Variants in RPS6KA5 observed in about 807,000 individuals in gnomAD.
RPS6KA5 encodes the protein ribosomal protein S6 kinase A5.
Under a neutral mutation model 85.5 loss-of-function variants are expected in RPS6KA5, and 27 were observed. The ratio of observed to expected loss-of-function variants is 0.32; its 90% CI spans 0.23 to 0.44. RPS6KA5 has a LOEUF of 0.44. Ranked by LOEUF, RPS6KA5 falls within the 20% of genes least tolerant of loss-of-function variation. RPS6KA5 has a pLI of 1.00. For missense variants in RPS6KA5, 811 were observed against 980.9 expected (o/e 0.83, Z 2.31); for synonymous variants, 334 against 348.2 (o/e 0.96, Z 0.46).
At chr14:90,982,149 G>A (rs922694596) in intron 2 of RPS6KA5, among the ~76,000 whole-genome samples, 30 of 152,194 alleles carry the variant, frequency 2.0e-4, no homozygotes, top group Non-Finnish European at 8.8e-5. Context: ...GTTTGCAACT[G>A]GATGAATGAC....
At chr14:90,872,412 A>G in intron 16 of RPS6KA5, 90 bp from the exon 17 acceptor site, 1 of 1,448,766 alleles carries the variant, frequency 6.9e-7, no homozygotes, top group Non-Finnish European at 9.2e-7. Context: ...ACAACTTTCC[A>G]TTGGCAACTG....
rs1491158949 is a variant in RPS6KA5, at chr14:90,983,839, CTT to C, written c.176-5317_176-5316del. On this transcript the variant is annotated intron_variant, in intron 2 of 16. Transcript: ENST00000614987. Reference sequence around the variant, plus strand: ...TCTGTCTCTCTCTCTCTCTCTCTCTCTTTCTTTTTTTCTTTCTTTCTTTCTGA... The same window carrying C: ...TCTGTCTCTCTCTCTCTCTCTCTCTCTCTTTTTTTCTTTCTTTCTTTCTGA... Among the ~76,000 whole-genome samples, 299 of 135,258 alleles carry C rather than the reference CTT, an allele frequency of 2.2e-3. 1 individual carries two copies. Among genetic ancestry groups the C allele is most frequent in the African/African-American group, 6.3e-3 (204 of 32,346 alleles). The allele number at this position is 135,258 out of a possible 152,430, so 88.7% of individuals were successfully genotyped here.
chr14:90,977,778 GA>G (rs2039630262), intron 3 of RPS6KA5, among the ~76,000 whole-genome samples: 1 of 152,196 alleles, frequency 6.6e-6, no homozygotes, highest in African/African-American at 2.4e-5. Context: ...GGAAAGGCTG[GA>G]AGTGACAGTT....
intron 14 of RPS6KA5, among the ~76,000 whole-genome samples, chr14:90,880,878 G>C (rs1172862175): frequency 6.8e-6 from 1 of 147,908 alleles, no homozygotes; most frequent in Non-Finnish European, 1.5e-5. Context: ...CTGTTTCCAA[G>C]GTCGGAGTAC....
intron 5 of RPS6KA5, among the ~76,000 whole-genome samples, chr14:90,936,290 G>A (rs2037251821): frequency 1.3e-5 from 2 of 152,114 alleles, no homozygotes; most frequent in South Asian, 4.1e-4. Flanking sequence ...ATATGGGCTG[G>A]GCCTGGTGGC....
chr14:91,013,383 A>T (rs1029791217), intron 1 of RPS6KA5, among the ~76,000 whole-genome samples: 1 of 152,226 alleles, frequency 6.6e-6, no homozygotes, highest in Non-Finnish European at 1.5e-5. Context: ...AAATGAGGTA[A>T]ATAGTACCAG....
intron 1 of RPS6KA5, among the ~76,000 whole-genome samples, chr14:91,043,634 C>T (rs1426018573): frequency 1.3e-5 from 2 of 152,184 alleles, no homozygotes; most frequent in Non-Finnish European, 2.9e-5. Flanking sequence ...CTATCTAGCA[C>T]ATTATCTATG....
chr14:91,021,787 T>C (rs2041792735), intron 1 of RPS6KA5, among the ~76,000 whole-genome samples: 1 of 152,206 alleles, frequency 6.6e-6, no homozygotes, highest in Admixed American at 6.5e-5. Flanking sequence ...CGGCTCTGTG[T>C]CCTGACATGC....
At chr14:91,056,221 G>C (rs538898692) in intron 1 of RPS6KA5, among the ~76,000 whole-genome samples, 3 of 152,100 alleles carry the variant, frequency 2.0e-5, no homozygotes, top group Non-Finnish European at 4.4e-5. Flanking sequence ...CTAATAACAG[G>C]CATCTAAGTA....
intron 2 of RPS6KA5, among the ~76,000 whole-genome samples, chr14:90,999,147 G>T (rs2040665514): frequency 2.6e-5 from 4 of 152,082 alleles, no homozygotes. Context: ...GGCAGAAGTT[G>T]CAGTGAGCCA....
intron 1 of RPS6KA5, chr14:91,052,192 A>C (rs2043108495): frequency 3.3e-6 from 1 of 306,240 alleles, no homozygotes; most frequent in African/African-American, 2.4e-5. Context: ...TCATGCCTGT[A>C]ATCCCAGCAC....
In RPS6KA5 at chr14:90,890,609, T is replaced by C; in HGVS notation, c.1714A>G (p.Lys572Glu). The C allele has an allele frequency of 6.2e-7, 1 of 1,614,160 alleles. No homozygotes were observed. The change falls in exon 14 of 17, where the codon AAG becomes GAG. Residue 572 changes from lysine to glutamate, a missense_variant. By Grantham distance (56) the Lys-to-Glu change is moderately conservative (BLOSUM62 1). Around this residue, in one of 3 missense-constraint regions of RPS6KA5, gnomAD observed 650 missense variants for 793.4 expected, o/e 0.82. Coordinates refer to ENST00000614987, the MANE Select transcript of RPS6KA5 (RefSeq NM_004755.4). ...KIIDFGFARL[K>E]PPDNQPLKTP... ...TTCAGGGGCTGATTATCCGGTGGCT[T>C]TAGCCGTGCAAATCCAAAATCAATT...
At position 90,861,387 on chromosome 14, in the gene RPS6KA5, T is replaced by C. The variant is rs1427615716; in HGVS notation, c.*10687A>G. On this transcript the variant is annotated 3_prime_UTR_variant, in exon 17 of 17. Transcript: ENST00000614987. ...AATACAAAAAATTAGCCGGGCGTAGTGGCAGGCGCCTGTAGCCCCAGCTAC... is the reference window on the plus strand; with the variant it reads ...AATACAAAAAATTAGCCGGGCGTAGCGGCAGGCGCCTGTAGCCCCAGCTAC... The C allele has an allele frequency of 1.4e-5, 2 of 148,080 alleles. No individual in the cohort carries two copies. Among genetic ancestry groups the C allele is most frequent in the African/African-American group, 5.0e-5 (2 of 39,922 alleles). The allele number at this position is 148,080 out of a possible 1,614,324, so 9.2% of individuals were successfully genotyped here.
chr14:90,932,523 A>G (rs2037040001), intron 5 of RPS6KA5, among the ~76,000 whole-genome samples: 1 of 152,144 alleles, frequency 6.6e-6, no homozygotes, highest in African/African-American at 2.4e-5. Context: ...TCACTCTCCC[A>G]CATTGTTAGT....
rs764050574 is a variant in RPS6KA5 at position 90,865,342 on chromosome 14, G to A, written c.*6732C>T. 6.6e-6 allele frequency: 1 copy of A among 152,194 alleles called. No homozygotes were observed. Among genetic ancestry groups the A allele is most frequent in the Non-Finnish European group, 1.5e-5 (1 of 68,040 alleles). 9.4% of individuals were successfully genotyped at this position (152,194 alleles called of 1,614,324 possible). A position where few individuals can be genotyped will look rare whatever the true frequency, so the allele number is the denominator to read the frequency against. On this transcript the variant is annotated 3_prime_UTR_variant, in exon 17 of 17. Transcript: ENST00000614987. ...GAGCAACGAAAAAGAACAAACTACTGTTATTGCTACATGCAACAACATAGA... is the reference window on the plus strand; with the variant it reads ...GAGCAACGAAAAAGAACAAACTACTATTATTGCTACATGCAACAACATAGA...
chr14:90,940,335 G>C (rs2037501009), intron 5 of RPS6KA5, among the ~76,000 whole-genome samples: 1 of 152,130 alleles, frequency 6.6e-6, no homozygotes, highest in African/African-American at 2.4e-5. Flanking sequence ...ACCACTAAGT[G>C]CTCAAAGATG....
intron 1 of RPS6KA5, among the ~76,000 whole-genome samples, chr14:91,001,542 G>A (rs2040798555): frequency 6.6e-6 from 1 of 152,132 alleles, no homozygotes; most frequent in Non-Finnish European, 1.5e-5. Flanking sequence ...AACATTTACT[G>A]AGTATCTATT....
chr14:90,942,192 C>A (rs1018507538), intron 5 of RPS6KA5, among the ~76,000 whole-genome samples: 4 of 152,062 alleles, frequency 2.6e-5, no homozygotes, highest in African/African-American at 9.7e-5. Flanking sequence ...ATAATTTCAG[C>A]ACTTATCTCA....
chr14:90,875,844 T>A (rs370553265), intron 14 of RPS6KA5, among the ~76,000 whole-genome samples: 1 of 137,432 alleles, frequency 7.3e-6, no homozygotes, highest in South Asian at 2.3e-4. Context: ...TAGGTGGGAA[T>A]TGAACAATGA....
Sources: gnomAD v4.1 joint callset for allele counts (sites outside exome capture counted in the v4.1 genomes callset) on GRCh38, gnomAD v4.1.1 for gene constraint, gnomAD v4.1.1 regional missense constraint, MANE v1.5 for transcripts, NCBI Gene and HGNC (gene_info 2026-07-23, HGNC 2026-07-21) for gene names.